The following TUSC3 variants were observed in gnomAD, a reference collection of about 807,000 sequenced individuals.
The protein encoded by TUSC3 is tumor suppressor candidate 3.
TUSC3 carries 45 observed loss-of-function variants against 44.8 expected under a neutral mutation model. The ratio of observed to expected loss-of-function variants is 1.00; its 90% CI spans 0.79 to 1.29. The LOEUF (loss-of-function observed/expected upper bound fraction) is 1.29, where lower values mean the gene tolerates loss of function less well. Ranked by LOEUF, TUSC3 falls within the 50% of genes most tolerant of loss-of-function variation. TUSC3 has a pLI of 0.00. For synonymous variants in TUSC3, 212 were observed against 152.9 expected, an observed-to-expected ratio of 1.39 and a Z score of -2.85; for missense variants, 519 against 437.9, an observed-to-expected ratio of 1.19 and a Z score of -1.65.
the TUSC3 span, among the ~76,000 whole-genome samples, chr8:15,850,882 C>T: frequency 7.9e-3 from 1,197 of 152,268 alleles, 26 homozygotes; most frequent in African/African-American, 0.028. Context: ...AAACCTCCTT[C>T]GAATTCCTGT....
chr8:15,734,632 A>G (rs1400421001), intron 7 of TUSC3, among the ~76,000 whole-genome samples: 1 of 152,224 alleles, frequency 6.6e-6, no homozygotes, highest in Non-Finnish European at 1.5e-5. Context: ...GTAGGATGAC[A>G]GAAAAATACT....
intron 5 of TUSC3, among the ~76,000 whole-genome samples, chr8:15,670,117 T>C (rs1807877345): frequency 6.6e-6 from 1 of 151,814 alleles, no homozygotes; most frequent in Non-Finnish European, 1.5e-5. Context: ...TTTAAAAACT[T>C]AAATGGCAGG....
intron 5 of TUSC3, among the ~76,000 whole-genome samples, chr8:15,673,166 A>G (rs1259806608): frequency 6.6e-6 from 1 of 152,088 alleles, no homozygotes; most frequent in Non-Finnish European, 1.5e-5. Flanking sequence ...TTTGTCTGAT[A>G]TATTCAGCAG....
At chr8:15,695,555 G>A (rs1259516654) in intron 6 of TUSC3, among the ~76,000 whole-genome samples, 1 of 152,186 alleles carries the variant, frequency 6.6e-6, no homozygotes, top group East Asian at 1.9e-4. Context: ...ATGCTGAAAA[G>A]CTACCCAAAA....
At position 15,604,470 on chromosome 8, in the gene TUSC3, C is replaced by T. The variant is rs573732229; in HGVS notation, c.139-18610C>T. Among the ~76,000 whole-genome samples, 15 of 151,320 alleles carry T rather than the reference C, an allele frequency of 9.9e-5. 1 individual carries two copies. In the South Asian group the frequency reaches 3.1e-3, roughly 32 times the overall value. ...GTGCTTTTCTGCATTAAAATAGTTCCCCAAATTCTCAAAATAGTAGTTATT... is the reference window on the plus strand; with the variant it reads ...GTGCTTTTCTGCATTAAAATAGTTCTCCAAATTCTCAAAATAGTAGTTATT... On this transcript the variant is annotated intron_variant, in intron 1 of 10. Transcript: ENST00000503731.
intron 5 of TUSC3, among the ~76,000 whole-genome samples, chr8:15,662,566 G>C (rs1238823650): frequency 6.6e-6 from 1 of 151,944 alleles, no homozygotes; most frequent in Non-Finnish European, 1.5e-5. Context: ...AATATGGTAA[G>C]ACTTGATCAG....
At position 15,595,238 on chromosome 8, in the gene TUSC3, CT is replaced by C. The variant is rs556367463; in HGVS notation, c.139-27839del. ...TACTTTTCCCAGCCTCTGGTAATTT[CT>C]TTACACATAGGATTTGATCAGCACT... On this transcript the variant is annotated intron_variant, in intron 1 of 10. Transcript: ENST00000503731. 2.0e-5 allele frequency among the ~76,000 whole-genome samples: 3 copies of C among 152,302 alleles called. No individual in the cohort carries two copies. The South Asian group carries it at 6.2e-4, about 32-fold the overall frequency.
At chr8:15,850,898 G>C in the TUSC3 span, among the ~76,000 whole-genome samples, 1 of 152,252 alleles carries the variant, frequency 6.6e-6, no homozygotes, top group East Asian at 1.9e-4. Context: ...CCTGTTCTCT[G>C]TGTCTCTATT....
rs1554502628 is a variant in TUSC3, at chr8:15,448,102, T to TATATAC, written n.91+30803_91+30808dup. On this transcript the variant is annotated intron_variant and non_coding_transcript_variant, in intron 1 of 5. Transcript: ENST00000503191. ...CAGAAAATTCAACTGTATGGTAGTG[T>TATATAC]ATATACATATATATATATTTATTTA... 4.5e-3 allele frequency among the ~76,000 whole-genome samples: 390 copies of TATATAC among 85,824 alleles called. 18 individuals are homozygous for TATATAC. In the East Asian group the frequency reaches 0.064, roughly 14 times the overall value. The allele number at this position is 85,824 out of a possible 152,430, so 56.3% of individuals were successfully genotyped here.
At chr8:15,783,897 A>G in the TUSC3 span, among the ~76,000 whole-genome samples, 1 of 152,212 alleles carries the variant, frequency 6.6e-6, no homozygotes, top group African/African-American at 2.4e-5. Flanking sequence ...CAAAAGAAGC[A>G]GTGGAATGAA....
chr8:15,596,567 A>T (rs985607462), intron 1 of TUSC3, among the ~76,000 whole-genome samples: 1 of 152,098 alleles, frequency 6.6e-6, no homozygotes. Context: ...AATGACTATA[A>T]TTTTCAGATA....
At position 15,706,659 on chromosome 8, in the gene TUSC3, T is replaced by C. The variant is rs139288764; in HGVS notation, c.799-24007T>C. 6.2e-3 allele frequency among the ~76,000 whole-genome samples: 946 copies of C among 152,158 alleles called. 13 individuals carry two copies. The highest frequency in any genetic ancestry group is 0.022 in the African/African-American group (909 of 41,560). On this transcript the variant is annotated intron_variant, in intron 6 of 10. Transcript: ENST00000503731. ...CTGAAATGTGGATTTTAATACAAGA[T>C]GTTAATATACGAATAAATATTTCAT... is the stretch of plus-strand genomic sequence containing the variant.
chr8:15,495,878 A>G (rs1383154979), intron 2 of TUSC3, among the ~76,000 whole-genome samples: 2 of 152,098 alleles, frequency 1.3e-5, no homozygotes, highest in African/African-American at 4.8e-5. Context: ...ATCCTTGTTT[A>G]CTACTCATTT....
At chr8:15,533,410 C>T (rs768960096) in intron 2 of TUSC3, among the ~76,000 whole-genome samples, 7 of 152,120 alleles carry the variant, frequency 4.6e-5, no homozygotes, top group Non-Finnish European at 8.8e-5. Context: ...CTCAGGTGAA[C>T]AGAGGGATGA....
intron 2 of TUSC3, among the ~76,000 whole-genome samples, chr8:15,493,289 C>G (rs950880035): frequency 1.3e-5 from 2 of 152,042 alleles, no homozygotes; most frequent in African/African-American, 4.8e-5. Context: ...GAGACAGGGT[C>G]TCTCTCTGTT....
chr8:15,630,036 A>T (rs956896401), intron 2 of TUSC3, among the ~76,000 whole-genome samples: 2 of 152,072 alleles, frequency 1.3e-5, no homozygotes, highest in Non-Finnish European at 2.9e-5. Context: ...ATCAAATTAT[A>T]CTGTGGGGAA....
At chr8:15,564,853 C>T (rs1004542157) in intron 1 of TUSC3, among the ~76,000 whole-genome samples, 2 of 152,012 alleles carry the variant, frequency 1.3e-5, no homozygotes, top group Non-Finnish European at 2.9e-5. Context: ...CAAGCTTCCC[C>T]GTGTGGTTCT....
chr8:15,448,554 G>A (rs1800142875), intron 1 of TUSC3, among the ~76,000 whole-genome samples: 1 of 152,120 alleles, frequency 6.6e-6, no homozygotes, highest in African/African-American at 2.4e-5. Flanking sequence ...TAGTAGAGCA[G>A]ATGTAAAAAG....
intron 2 of TUSC3, among the ~76,000 whole-genome samples, chr8:15,648,164 C>T (rs1347960487): frequency 1.3e-5 from 2 of 152,138 alleles, no homozygotes; most frequent in African/African-American, 4.8e-5. Flanking sequence ...ATACATTCCA[C>T]CTATGTTGTT....
Sources: gnomAD v4.1 joint callset for allele counts (sites outside exome capture counted in the v4.1 genomes callset) on GRCh38, gnomAD v4.1.1 for gene constraint, MANE v1.5 for transcripts, NCBI Gene and HGNC (gene_info 2026-07-23, HGNC 2026-07-21) for gene names.